SBK1: variants seen among roughly 807,000 people sequenced by gnomAD.
SBK1 encodes serine/threonine-protein kinase SBK1.
SBK1 carries 11 observed loss-of-function variants against 24.4 expected under a neutral mutation model. That is an observed-to-expected ratio of 0.45 (90% CI 0.28 to 0.75). The LOEUF (loss-of-function observed/expected upper bound fraction) is 0.75, where lower values mean the gene tolerates loss of function less well. Among genes scored for constraint, SBK1 ranks in the 30% least tolerant of loss-of-function variants. SBK1 has a pLI of 0.12. For missense variants in SBK1, 467 were observed against 620.5 expected (o/e 0.75, Z 2.63); for synonymous variants, 308 against 284.4 (o/e 1.08, Z -0.83).
At chr16:28,278,277 T>C (rs1189854335) in intron 1 of SBK1, among the ~76,000 whole-genome samples, 1 of 151,608 alleles carries the variant, frequency 6.6e-6, no homozygotes, top group Non-Finnish European at 1.5e-5. Flanking sequence ...CAGGGGGAGG[T>C]AGGCAGTGTC....
chr16:28,292,969 C>G lies in SBK1; in HGVS notation c.-339C>G. Reference sequence around the variant, plus strand: ...CCCCCAGGCCGGGATTGCGAGAACCCCCTCCCAAGATCCGGTCATTACAAC... The same window carrying G: ...CCCCCAGGCCGGGATTGCGAGAACCGCCTCCCAAGATCCGGTCATTACAAC... On this transcript the variant is annotated 5_prime_UTR_variant, in exon 1 of 4. Coordinates refer to ENST00000341901, the MANE Select transcript of SBK1 (RefSeq NM_001024401.3). 3 of 982,224 alleles carry G rather than the reference C, an allele frequency of 3.1e-6. No individual in the cohort carries two copies. Among genetic ancestry groups the G allele is most frequent in the Non-Finnish European group, 3.6e-6 (3 of 827,048 alleles). 60.8% of individuals were successfully genotyped at this position (982,224 alleles called of 1,614,324 possible). A position where few individuals can be genotyped will look rare whatever the true frequency, so the allele number is the denominator to read the frequency against.
chr16:28,318,020 T>C (rs1185655380), intron 2 of SBK1, among the ~76,000 whole-genome samples: 4 of 151,932 alleles, frequency 2.6e-5, no homozygotes, highest in Non-Finnish European at 5.9e-5. Context: ...AGGAACAGGG[T>C]GCCACACTTA....
chr16:28,311,411 TGAG>T (rs1208128134), intron 1 of SBK1, among the ~76,000 whole-genome samples: 5 of 151,700 alleles, frequency 3.3e-5, no homozygotes, highest in Admixed American at 6.6e-5. Flanking sequence ...CTTCAGGAAT[TGAG>T]GAGATAGAAT....
chr16:28,303,556 C>A (rs2044695300), intron 1 of SBK1, among the ~76,000 whole-genome samples: 1 of 130,642 alleles, frequency 7.7e-6, no homozygotes, highest in Admixed American at 8.4e-5. Context: ...GCTCTGTTAC[C>A]CAGACTGGAG....
intron 1 of SBK1, among the ~76,000 whole-genome samples, chr16:28,260,442 ACTGT>A (rs2044390755): frequency 6.6e-6 from 1 of 152,042 alleles, no homozygotes; most frequent in Admixed American, 6.5e-5. Flanking sequence ...TGCCTCCATC[ACTGT>A]CTGAGTCAGC....
Position 28,321,164 on chromosome 16 carries a change from A to C in SBK1, c.*243A>C. 4 of 299,116 alleles carry C rather than the reference A, an allele frequency of 1.3e-5. No individual in the cohort carries two copies. The highest frequency in any genetic ancestry group is 2.4e-5 in the Non-Finnish European group (4 of 163,472). The allele number at this position is 299,116 out of a possible 1,614,324, so 18.5% of individuals were successfully genotyped here. A position where few individuals can be genotyped will look rare whatever the true frequency, so the allele number is the denominator to read the frequency against. On this transcript the variant is annotated 3_prime_UTR_variant, in exon 4 of 4. Coordinates refer to ENST00000341901, the MANE Select transcript of SBK1 (RefSeq NM_001024401.3). ...GGAGCCAAGCCGCACAGACCCGAGAATTCGGAGGCCACCACACAACACACA... is the reference window on the plus strand; with the variant it reads ...GGAGCCAAGCCGCACAGACCCGAGACTTCGGAGGCCACCACACAACACACA...
chr16:28,320,617 G>C lies in SBK1; in HGVS notation c.971G>C (p.Arg324Pro), dbSNP rs1416088816. The change falls in exon 4 of 4, where the codon CGG becomes CCG. Residue 324 changes from arginine (R) to proline (P), a missense_variant. Coordinates refer to ENST00000341901, the MANE Select transcript of SBK1 (RefSeq NM_001024401.3). The surrounding 1 kb of genome is among the most constrained non-coding windows in gnomAD (Gnocchi z 8.5). ...GAGCTCACGTCCGAGCTGCGCCGCCGGCCCTCGCACCGCGCGCGCAAGCCC... is the reference window on the plus strand; with the variant it reads ...GAGCTCACGTCCGAGCTGCGCCGCCCGCCCTCGCACCGCGCGCGCAAGCCC... ...KHELTSELRR[R>P]PSHRARKPPG... The C allele has an allele frequency of 3.6e-6, 5 of 1,388,592 alleles. No homozygotes were observed. Among genetic ancestry groups the C allele is most frequent in the Admixed American group, 3.2e-5 (1 of 31,740 alleles). The allele number at this position is 1,388,592 out of a possible 1,614,324, so 86.0% of individuals were successfully genotyped here.
In SBK1 at chr16:28,266,510, T is replaced by C. The variant is rs567329081; in HGVS notation, c.257+7008T>C. On this transcript the variant is annotated intron_variant, in intron 1 of 3. Coordinates refer to the SBK1 transcript ENST00000671413. Reference sequence around the variant, plus strand: ...ACAAGTTAATTCTTACGGTTTTATATGTCAAAACTGACACAGATCTCACTG... The same window carrying C: ...ACAAGTTAATTCTTACGGTTTTATACGTCAAAACTGACACAGATCTCACTG... 5.9e-5 allele frequency among the ~76,000 whole-genome samples: 9 copies of C among 152,306 alleles called. No homozygotes were observed. In the South Asian group the frequency reaches 1.7e-3, roughly 28 times the overall value.
At chr16:28,305,619 C>T (rs1327887220) in intron 1 of SBK1, among the ~76,000 whole-genome samples, 3 of 151,700 alleles carry the variant, frequency 2.0e-5, no homozygotes, top group African/African-American at 7.3e-5. Flanking sequence ...GCTACCTCTG[C>T]CTCCTGGGTT....
intron 1 of SBK1, among the ~76,000 whole-genome samples, chr16:28,309,500 CG>C (rs2044739676): frequency 6.6e-6 from 1 of 152,148 alleles, no homozygotes; most frequent in Non-Finnish European, 1.5e-5. Context: ...TCAGTTGTGG[CG>C]ATGACTGCAC....
intron 1 of SBK1, among the ~76,000 whole-genome samples, chr16:28,298,996 G>A (rs2044660914): frequency 6.6e-6 from 1 of 152,222 alleles, no homozygotes; most frequent in Non-Finnish European, 1.5e-5. Context: ...TCTGAGCCAG[G>A]GCTCAAGGCC....
chr16:28,310,930 C>A (rs2044749858), intron 1 of SBK1, among the ~76,000 whole-genome samples: 1 of 152,176 alleles, frequency 6.6e-6, no homozygotes, highest in African/African-American at 2.4e-5. Context: ...CCCATTGCTC[C>A]CCCTGTGCCT....
chr16:28,294,621 G>A (rs2044626142), intron 1 of SBK1, among the ~76,000 whole-genome samples: 1 of 152,220 alleles, frequency 6.6e-6, no homozygotes, highest in African/African-American at 2.4e-5. Flanking sequence ...AGGTCCAGCT[G>A]AGAGATTCTT....
Position 28,319,322 on chromosome 16 carries a change from A to C in SBK1, c.429+125A>C. 1 of 738,056 alleles carries C rather than the reference A, an allele frequency of 1.4e-6. No individual in the cohort carries two copies. The highest frequency in any genetic ancestry group is 1.7e-5 in the South Asian group (1 of 58,902). The allele number at this position is 738,056 out of a possible 1,614,324, so 45.7% of individuals were successfully genotyped here. ...GGGTGCCTGCTGTATGTCAGTTACC[A>C]TTTGGGGAGGTGGGGATGTGCAGTA... is the stretch of plus-strand genomic sequence containing the variant. On this transcript the variant is annotated intron_variant, in intron 3 of 3. Coordinates refer to ENST00000341901, the MANE Select transcript of SBK1 (RefSeq NM_001024401.3). This position sits in a 1 kb window ranked among gnomAD's most constrained non-coding sequence, Gnocchi z 4.0.
At position 28,301,691 on chromosome 16, in the gene SBK1, G is replaced by A. The variant is rs376010274; in HGVS notation, c.-8+8391G>A. 7.2e-5 allele frequency among the ~76,000 whole-genome samples: 11 copies of A among 152,370 alleles called. No individual in the cohort carries two copies. In the South Asian group the frequency reaches 2.3e-3, roughly 32 times the overall value. On this transcript the variant is annotated intron_variant, in intron 1 of 3. Transcript: ENST00000341901. ...CTACAGAACAGAAAACCAAGGCACAGTGAGAGGAAGGCCTTCCCCAGGCTC... is the reference window on the plus strand; with the variant it reads ...CTACAGAACAGAAAACCAAGGCACAATGAGAGGAAGGCCTTCCCCAGGCTC...
At position 28,319,859 on chromosome 16, in the gene SBK1, T is replaced by C. The variant is rs1046487569; in HGVS notation, c.430-217T>C. On this transcript the variant is annotated intron_variant, in intron 3 of 3. Transcript: ENST00000341901. The surrounding 1 kb of genome is among the most constrained non-coding windows in gnomAD (Gnocchi z 4.0). The stretch of plus-strand genomic sequence containing the variant: ...CCCTCCTGGAGCCCCGATGTCCCCA[T>C]AGGAGAAGCAGGCATGGTAGCCACT... 4.0e-5 allele frequency among the ~76,000 whole-genome samples: 6 copies of C among 151,858 alleles called. No individual in the cohort carries two copies. The highest frequency in any genetic ancestry group is 1.9e-4 in the East Asian group (1 of 5,156).
intron 1 of SBK1, among the ~76,000 whole-genome samples, chr16:28,315,299 C>A (rs757542808): frequency 1.3e-5 from 2 of 152,080 alleles, no homozygotes; most frequent in Admixed American, 6.5e-5. Context: ...GTGGTCTCGA[C>A]GGCAGGGATG....
chr16:28,294,323 G>A (rs1672060380), intron 1 of SBK1, among the ~76,000 whole-genome samples: 2 of 152,194 alleles, frequency 1.3e-5, no homozygotes, highest in African/African-American at 4.8e-5. Flanking sequence ...GCTGCTGGGA[G>A]TTCCTCTCAT....
At position 28,319,814 on chromosome 16, in the gene SBK1, C is replaced by T. The variant is rs146623105; in HGVS notation, c.430-262C>T. ...AGGGCGCCGCGGACCCCCTCATCAACCTCCTGGAGAGCCGCGTGTCCCTCC... is the reference window on the plus strand; with the variant it reads ...AGGGCGCCGCGGACCCCCTCATCAATCTCCTGGAGAGCCGCGTGTCCCTCC... On this transcript the variant is annotated intron_variant, in intron 3 of 3. Transcript: ENST00000341901. The surrounding 1 kb of genome is among the most constrained non-coding windows in gnomAD (Gnocchi z 4.0). 1.4e-3 allele frequency among the ~76,000 whole-genome samples: 213 copies of T among 152,196 alleles called. 1 individual carries two copies. Among genetic ancestry groups the T allele is most frequent in the South Asian group, 0.011 (55 of 4,828 alleles).
Sources: gnomAD v4.1 joint callset for allele counts (sites outside exome capture counted in the v4.1 genomes callset) on GRCh38, gnomAD v4.1.1 for gene constraint, Gnocchi (gnomAD v3.1) non-coding constraint, MANE v1.5 for transcripts, NCBI Gene and HGNC (gene_info 2026-07-23, HGNC 2026-07-21) for gene names.